The following ANKRD11 variants were observed in gnomAD, a reference collection of about 807,000 sequenced individuals.
The protein encoded by ANKRD11 is ankyrin repeat domain 11.
ANKRD11 carries 17 observed loss-of-function variants against 195.7 expected under a neutral mutation model. The observed-to-expected ratio is 0.09, with a 90% CI of 0.06 to 0.13. The LOEUF (loss-of-function observed/expected upper bound fraction) is 0.13. Ranked by LOEUF, ANKRD11 falls within the 10% of genes least tolerant of loss-of-function variation. The probability of loss-of-function intolerance (pLI) is 1.00; values close to 1 mark genes in which losing one functional copy is unlikely to be tolerated. For synonymous variants in ANKRD11, 1,953 were observed against 1,528.1 expected (o/e 1.28, Z -6.49); for missense variants, 3,735 against 3,566.1 (o/e 1.05, Z -1.21).
chr16:89,308,239 A>G (rs912445295), intron 3 of ANKRD11, among the ~76,000 whole-genome samples: 1 of 152,264 alleles, frequency 6.6e-6, no homozygotes, highest in Non-Finnish European at 1.5e-5. Context: ...CGAGAATGCA[A>G]GACATTTAAA....
intron 2 of ANKRD11, among the ~76,000 whole-genome samples, chr16:89,381,153 T>G (rs1031868454): frequency 2.0e-5 from 3 of 152,056 alleles, no homozygotes; most frequent in Admixed American, 2.0e-4. Flanking sequence ...CGAAACCCTA[T>G]TTCTACTGAA....
intron 1 of ANKRD11, among the ~76,000 whole-genome samples, chr16:89,461,106 G>C (rs1397874703): frequency 7.2e-6 from 1 of 139,374 alleles, no homozygotes; most frequent in Non-Finnish European, 1.5e-5. Flanking sequence ...GACAAATATC[G>C]TATGACCCCC....
intron 1 of ANKRD11, among the ~76,000 whole-genome samples, chr16:89,462,218 T>C (rs1302124407): frequency 4.4e-4 from 67 of 152,222 alleles, no homozygotes; most frequent in Non-Finnish European, 7.3e-5. Context: ...TGCCTGCGAT[T>C]GCAGGCTCAC....
At chr16:89,370,095 G>C (rs1159587183) in intron 2 of ANKRD11, among the ~76,000 whole-genome samples, 1 of 152,202 alleles carries the variant, frequency 6.6e-6, no homozygotes, top group Non-Finnish European at 1.5e-5. Context: ...CTCAGGCATG[G>C]CAGGAAGAAG....
intron 2 of ANKRD11, among the ~76,000 whole-genome samples, chr16:89,365,745 G>T (rs1323693528): frequency 6.6e-6 from 1 of 152,102 alleles, no homozygotes; most frequent in Non-Finnish European, 1.5e-5. Context: ...GGTTCGGGTT[G>T]CAGGTTTGTT....
intron 1 of ANKRD11, among the ~76,000 whole-genome samples, chr16:89,438,740 A>C (rs1436621052): frequency 1.3e-5 from 2 of 152,082 alleles, no homozygotes; most frequent in Admixed American, 1.3e-4. Flanking sequence ...TTCAAATCTC[A>C]AGTCATCAAA....
At chr16:89,454,307 C>G (rs771037290) in intron 1 of ANKRD11, among the ~76,000 whole-genome samples, 4 of 152,088 alleles carry the variant, frequency 2.6e-5, no homozygotes, top group Non-Finnish European at 4.4e-5. Flanking sequence ...AGGAGAGCAC[C>G]TGAGGCCTAC....
intron 2 of ANKRD11, among the ~76,000 whole-genome samples, chr16:89,369,647 G>C (rs11865298): frequency 6.6e-6 from 1 of 152,172 alleles, no homozygotes; most frequent in East Asian, 1.9e-4. Flanking sequence ...AACCAGGGGG[G>C]TCCTTGTGGT....
rs1262664399 is a variant in ANKRD11, at chr16:89,300,803, C to G, written c.226+4403G>C. Reference sequence around the variant, plus strand: ...AGAGCACACCCCAGGCACCAGAGACCAGGGTGTCATTCACAGGTCAAAGCA... The same window carrying G: ...AGAGCACACCCCAGGCACCAGAGACGAGGGTGTCATTCACAGGTCAAAGCA... On this transcript the variant is annotated intron_variant, in intron 4 of 12. Transcript: ENST00000301030. 3 of 695,212 alleles carry G rather than the reference C, an allele frequency of 4.3e-6. No homozygotes were observed. The African/African-American group carries it at 5.3e-5, about 12-fold the overall frequency. 43.1% of individuals were successfully genotyped at this position (695,212 alleles called of 1,614,324 possible).
rs1014511320 is a variant in ANKRD11, at chr16:89,291,848, C to A, written c.227-665G>T. 1.1e-5 allele frequency: 12 copies of A among 1,085,510 alleles called. No homozygotes were observed. The highest frequency in any genetic ancestry group is 1.5e-5 in the Non-Finnish European group (12 of 803,746). The allele number at this position is 1,085,510 out of a possible 1,614,324, so 67.2% of individuals were successfully genotyped here. ...TCGGCTGTTTCCACCTCAGCCTCCT[C>A]GTAACAAGCACACCCTGCACTCATC... On this transcript the variant is annotated intron_variant, in intron 4 of 12. Transcript: ENST00000301030. The surrounding 1 kb of genome is among the most constrained non-coding windows in gnomAD (Gnocchi z 5.3).
chr16:89,341,430 A>G (rs758007586), intron 2 of ANKRD11, among the ~76,000 whole-genome samples: 14 of 152,202 alleles, frequency 9.2e-5, no homozygotes, highest in Non-Finnish European at 1.3e-4. Flanking sequence ...GACCCCACCA[A>G]GCAGCTTCCC....
Position 89,333,144 on chromosome 16 carries a change from C to T in ANKRD11, c.-59-16066G>A, listed in dbSNP as rs115032768. Among the ~76,000 whole-genome samples the T allele has an allele frequency of 3.8e-3, 583 of 152,340 alleles. 2 individuals carry two copies. The highest frequency in any genetic ancestry group is 0.014 in the African/African-American group (563 of 41,570). ...CAAGCTCAACAATGCTCTGGGAACT[C>T]CAGTCAAAGATGCATCACAACTTTT... On this transcript the variant is annotated intron_variant, in intron 2 of 12. Transcript: ENST00000301030.
chr16:89,473,587 G>A lies in ANKRD11; in HGVS notation c.-145+16658C>T, dbSNP rs533195574. Among the ~76,000 whole-genome samples, 17 of 152,328 alleles carry A rather than the reference G, an allele frequency of 1.1e-4. No homozygotes were observed. The South Asian group carries it at 2.7e-3, about 24-fold the overall frequency. On this transcript the variant is annotated intron_variant, in intron 1 of 12. Transcript: ENST00000301030. ...CTACTTCCGTTCTACAAGTGGGTCC[G>A]GGAATGCATGCAAATGGAGGAGAGA...
chr16:89,466,378 C>G (rs974162242), intron 1 of ANKRD11, among the ~76,000 whole-genome samples: 1 of 151,960 alleles, frequency 6.6e-6, no homozygotes, highest in Non-Finnish European at 1.5e-5. Flanking sequence ...CACAGGGGAC[C>G]GCATGAGGAT....
At chr16:89,330,887 T>G (rs1390250128) in intron 2 of ANKRD11, among the ~76,000 whole-genome samples, 1 of 152,170 alleles carries the variant, frequency 6.6e-6, no homozygotes, top group African/African-American at 2.4e-5. Flanking sequence ...AATTTGACTG[T>G]ACAGTTCTAG....
intron 3 of ANKRD11, among the ~76,000 whole-genome samples, chr16:89,314,469 C>T (rs2036822287): frequency 6.6e-6 from 1 of 152,140 alleles, no homozygotes; most frequent in African/African-American, 2.4e-5. Flanking sequence ...CACATCAGCG[C>T]TGGGGCTGCC....
chr16:89,381,089 G>C (rs1049178496), intron 2 of ANKRD11, among the ~76,000 whole-genome samples: 1 of 152,176 alleles, frequency 6.6e-6, no homozygotes, highest in African/African-American at 2.4e-5. Context: ...TTGGGAGGCC[G>C]AGGCAGGTGG....
chr16:89,434,359 AG>A (rs1418210025), intron 1 of ANKRD11, among the ~76,000 whole-genome samples: 1 of 152,228 alleles, frequency 6.6e-6, no homozygotes. Flanking sequence ...ATGACCATAA[AG>A]CAATTCTTCT....
At chr16:89,452,580 C>T (rs2044127755) in intron 1 of ANKRD11, among the ~76,000 whole-genome samples, 1 of 151,878 alleles carries the variant, frequency 6.6e-6, no homozygotes, top group Non-Finnish European at 1.5e-5. Context: ...AGATTGAGAC[C>T]AGCCTGGCCA....
Sources: allele counts gnomAD v4.1 joint callset (sites outside exome capture counted in the v4.1 genomes callset), GRCh38; gene constraint gnomAD v4.1.1; non-coding constraint Gnocchi (gnomAD v3.1); transcripts MANE v1.5; gene names NCBI Gene and HGNC (gene_info 2026-07-23, HGNC 2026-07-21).